The following ANK3 variants were observed in gnomAD, a reference collection of about 807,000 sequenced individuals.
ANK3 encodes ankyrin-3.
In ANK3, 57 loss-of-function variants were observed where a neutral mutation model predicts 370.9. That is an observed-to-expected ratio of 0.15 (90% CI 0.12 to 0.19). ANK3 has a LOEUF of 0.19. ANK3 is among the 10% of genes least tolerant of loss of function. The pLI is 1.00. For synonymous variants in ANK3, 1,929 were observed against 1,946.3 expected (o/e 0.99, Z 0.23); for missense variants, 4,439 against 5,302.1 (o/e 0.84, Z 5.06).
chr10:60,607,768 C>T lies in ANK3; in HGVS notation c.96+7418G>A, dbSNP rs10994427. The stretch of plus-strand genomic sequence containing the variant: ...GAATGCAAATCTAGCAAATAAAAAA[C>T]TATGGTGGGACATAGGAGGTAGGGT... On this transcript the variant is annotated intron_variant, in intron 2 of 43. Transcript: ENST00000373827. Among the ~76,000 whole-genome samples the T allele has an allele frequency of 6.1e-3, 927 of 152,286 alleles. 6 individuals are homozygous for T. The highest frequency in any genetic ancestry group is 0.01 in the Non-Finnish European group (702 of 68,022).
At chr10:60,285,835 A>T (rs1432313003) in intron 1 of ANK3, among the ~76,000 whole-genome samples, 1 of 152,124 alleles carries the variant, frequency 6.6e-6, no homozygotes, top group African/African-American at 2.4e-5. Context: ...AAATATGAAC[A>T]ATAGATTTCC....
chr10:60,286,904 A>C (rs915775854), intron 1 of ANK3, among the ~76,000 whole-genome samples: 4 of 152,184 alleles, frequency 2.6e-5, no homozygotes, highest in Non-Finnish European at 5.9e-5. Context: ...TTAAGACTAC[A>C]CGGATAAATT....
intron 1 of ANK3, among the ~76,000 whole-genome samples, chr10:60,381,326 T>C (rs572225938): frequency 6.6e-6 from 1 of 152,314 alleles, no homozygotes; most frequent in Non-Finnish European, 1.5e-5. Flanking sequence ...TAAGCTTTAA[T>C]ACCTGCCTCA....
chr10:60,328,510 C>T (rs1217392274), intron 1 of ANK3, among the ~76,000 whole-genome samples: 2 of 152,088 alleles, frequency 1.3e-5, no homozygotes, highest in Non-Finnish European at 2.9e-5. Flanking sequence ...TGTTTATGTA[C>T]CTCTACACAA....
chr10:60,278,848 C>T lies in ANK3; in HGVS notation c.340G>A (p.Ala114Thr), dbSNP rs748812113. The T allele has an allele frequency of 1.9e-6, 3 of 1,613,818 alleles. No individual in the cohort carries two copies. The highest frequency in any genetic ancestry group is 2.2e-5 in the East Asian group (1 of 44,856). Residue 114 changes from alanine to threonine, a missense_variant, in exon 4 of 44, where the codon GCA becomes ACA. By Grantham distance (58) the Ala-to-Thr change is moderately conservative. Around this residue, in one of 13 missense-constraint regions of ANK3, gnomAD observed 136 missense variants for 230.5 expected, o/e 0.59. Transcript: ENST00000280772. ...TKKGNTALHI[A>T]SLAGQAEVVK... ...ACCTCTGCTTGCCCAGCCAAAGATG[C>T]GATGTGCAATGCTGTGTTTCCTTTC...
At chr10:60,472,630 C>A (rs934314091) in intron 2 of ANK3, among the ~76,000 whole-genome samples, 1 of 152,096 alleles carries the variant, frequency 6.6e-6, no homozygotes, top group Admixed American at 6.6e-5. Context: ...ACAATGAATT[C>A]TTTTCCTCTT....
intron 5 of ANK3, among the ~76,000 whole-genome samples, chr10:60,264,833 T>C (rs1272678796): frequency 1.3e-5 from 2 of 152,186 alleles, no homozygotes; most frequent in African/African-American, 2.4e-5. Flanking sequence ...GTACTCATTG[T>C]TGCTTTATGA....
intron 2 of ANK3, among the ~76,000 whole-genome samples, chr10:60,562,766 G>GA (rs141420889): frequency 3.3e-5 from 5 of 151,448 alleles, no homozygotes; most frequent in Non-Finnish European, 7.4e-5. Context: ...CTAACAGACA[G>GA]AAAAAAAATG....
chr10:60,469,806 A>G (rs185883177), intron 2 of ANK3, among the ~76,000 whole-genome samples: 1 of 151,076 alleles, frequency 6.6e-6, no homozygotes, highest in Admixed American at 6.7e-5. Flanking sequence ...TCAACACATT[A>G]TCAATTAGTC....
chr10:60,695,523 T>C (rs949733826), intron 1 of ANK3, among the ~76,000 whole-genome samples: 1 of 152,142 alleles, frequency 6.6e-6, no homozygotes, highest in African/African-American at 2.4e-5. Flanking sequence ...TCAGCAAATG[T>C]AAAAGAACAG....
chr10:60,380,069 A>G (rs955592718), intron 1 of ANK3, among the ~76,000 whole-genome samples: 5 of 152,126 alleles, frequency 3.3e-5, no homozygotes, highest in African/African-American at 1.2e-4. Flanking sequence ...AACATTGGGA[A>G]TTAATCATAT....
chr10:60,259,793 G>A (rs1333878398), intron 7 of ANK3, among the ~76,000 whole-genome samples: 1 of 152,004 alleles, frequency 6.6e-6, no homozygotes, highest in Non-Finnish European at 1.5e-5. Context: ...AACTTAATGA[G>A]GTTTTATTAT....
intron 2 of ANK3, among the ~76,000 whole-genome samples, chr10:60,439,515 AT>A (rs968250415): frequency 2.6e-5 from 4 of 152,256 alleles, no homozygotes; most frequent in Admixed American, 6.5e-5. Flanking sequence ...ACAAAAAAAA[AT>A]AATTTAAAAA....
intron 2 of ANK3, among the ~76,000 whole-genome samples, chr10:60,591,945 G>A (rs2077921379): frequency 2.0e-5 from 3 of 152,150 alleles, no homozygotes; most frequent in Admixed American, 2.0e-4. Flanking sequence ...ATGGAGGCTT[G>A]GGGGAGAGGT....
chr10:60,677,132 T>G (rs2079135680), intron 1 of ANK3, among the ~76,000 whole-genome samples: 1 of 152,154 alleles, frequency 6.6e-6, no homozygotes, highest in African/African-American at 2.4e-5. Flanking sequence ...CAAGACCAGG[T>G]GCCCTTAAGT....
At chr10:60,414,583 A>G (rs1284711725) in intron 2 of ANK3, among the ~76,000 whole-genome samples, 1 of 152,164 alleles carries the variant, frequency 6.6e-6, no homozygotes, top group Non-Finnish European at 1.5e-5. Context: ...GAAGGAAGCC[A>G]TGGTGGAGGA....
chr10:60,396,480 G>A (rs951496343), intron 2 of ANK3, among the ~76,000 whole-genome samples: 1 of 152,106 alleles, frequency 6.6e-6, no homozygotes, highest in African/African-American at 2.4e-5. Context: ...ATATGCTTTG[G>A]TAACACTTAT....
chr10:60,400,996 C>A (rs780077103), intron 2 of ANK3, among the ~76,000 whole-genome samples: 4 of 152,210 alleles, frequency 2.6e-5, no homozygotes, highest in African/African-American at 9.6e-5. Flanking sequence ...CTGTGTAGAG[C>A]TTTTCTGTAA....
At chr10:60,448,998 AG>A (rs1485152857) in intron 2 of ANK3, among the ~76,000 whole-genome samples, 2 of 152,212 alleles carry the variant, frequency 1.3e-5, no homozygotes, top group African/African-American at 4.8e-5. Flanking sequence ...CTCATCTCAA[AG>A]GGTCAGTAAA....
Sources: gnomAD v4.1 joint callset for allele counts (sites outside exome capture counted in the v4.1 genomes callset) on GRCh38, gnomAD v4.1.1 for gene constraint, gnomAD v4.1.1 regional missense constraint, MANE v1.5 for transcripts, NCBI Gene and HGNC (gene_info 2026-07-23, HGNC 2026-07-21) for gene names.